Variants in ADAM22 observed in about 807,000 individuals in gnomAD.
ADAM22 encodes ADAM metallopeptidase domain 22.
ADAM22 carries 65 observed loss-of-function variants against 144.6 expected under a neutral mutation model. The observed-to-expected ratio is 0.45, with a 90% confidence interval of 0.37 to 0.55. The LOEUF (loss-of-function observed/expected upper bound fraction) is 0.55. ADAM22 is among the 20% of genes least tolerant of loss of function. The pLI is 0.00. For missense variants in ADAM22, 974 were observed against 1,184.9 expected (o/e 0.82, Z 2.61); for synonymous variants, 391 against 412.6 (o/e 0.95, Z 0.63).
chr7:88,169,174 T>C (rs1427404393), intron 25 of ADAM22, among the ~76,000 whole-genome samples: 1 of 152,102 alleles, frequency 6.6e-6, no homozygotes, highest in African/African-American at 2.4e-5. Context: ...AAAGAGTTTC[T>C]TTGGCTAAAA....
At chr7:88,127,470 C>G (rs1044572336) in intron 8 of ADAM22, among the ~76,000 whole-genome samples, 1 of 151,900 alleles carries the variant, frequency 6.6e-6, no homozygotes, top group Admixed American at 6.6e-5. Flanking sequence ...TAAAAACACC[C>G]CCCTCCCTTA....
intron 22 of ADAM22, among the ~76,000 whole-genome samples, chr7:88,158,607 T>G (rs1265366776): frequency 2.0e-5 from 3 of 152,112 alleles, no homozygotes; most frequent in African/African-American, 7.2e-5. Context: ...AAATTTTTTT[T>G]CAAAACCATG....
intron 3 of ADAM22, among the ~76,000 whole-genome samples, chr7:88,043,368 C>T (rs998552200): frequency 1.3e-5 from 2 of 151,766 alleles, no homozygotes; most frequent in Admixed American, 6.6e-5. Context: ...ACCTGTAGTC[C>T]CAGCTACTCG....
At chr7:88,171,490 C>T in intron 25 of ADAM22, 54 bp from the exon 26 acceptor site, 2 of 1,508,274 alleles carry the variant, frequency 1.3e-6, no homozygotes, top group Non-Finnish European at 1.8e-6. Flanking sequence ...GATGTCCTTC[C>T]AGAGGTAACT....
intron 4 of ADAM22, among the ~76,000 whole-genome samples, chr7:88,103,876 T>C (rs1823637386): frequency 6.6e-6 from 1 of 152,174 alleles, no homozygotes; most frequent in South Asian, 2.1e-4. Context: ...AATAGATAAT[T>C]TTTAAGTAAA....
intron 3 of ADAM22, among the ~76,000 whole-genome samples, chr7:87,991,612 C>T (rs922571476): frequency 6.6e-6 from 1 of 150,926 alleles, no homozygotes; most frequent in Non-Finnish European, 1.5e-5. Context: ...ATGATCCACC[C>T]GCCTCGGCCT....
chr7:88,012,669 C>A (rs1428560241), intron 3 of ADAM22, among the ~76,000 whole-genome samples: 4 of 152,134 alleles, frequency 2.6e-5, no homozygotes, highest in Non-Finnish European at 2.9e-5. Context: ...GCCCTAGAGC[C>A]CTGTTCATGT....
intron 3 of ADAM22, among the ~76,000 whole-genome samples, chr7:88,059,935 G>A (rs914800819): frequency 6.6e-6 from 1 of 151,962 alleles, no homozygotes; most frequent in Non-Finnish European, 1.5e-5. Flanking sequence ...ATTTGGTTGA[G>A]GGGTTCAGTA....
chr7:88,050,222 A>G (rs924304336), intron 3 of ADAM22, among the ~76,000 whole-genome samples: 26 of 111,550 alleles, frequency 2.3e-4, no homozygotes, highest in African/African-American at 1.3e-3. Context: ...CATCTCTACT[A>G]AAAAAAAAAA....
chr7:87,942,359 A>T (rs976518789), intron 2 of ADAM22, among the ~76,000 whole-genome samples: 9 of 152,176 alleles, frequency 5.9e-5, no homozygotes, highest in African/African-American at 2.2e-4. Context: ...ATCATGTGTG[A>T]CAGGTAATAC....
chr7:87,982,889 C>G (rs1485748406), intron 3 of ADAM22, among the ~76,000 whole-genome samples: 2 of 150,838 alleles, frequency 1.3e-5, no homozygotes. Flanking sequence ...TGGAGTTTCT[C>G]CATGTTGGTC....
At chr7:88,098,466 A>G (rs1325712337) in intron 4 of ADAM22, among the ~76,000 whole-genome samples, 1 of 152,172 alleles carries the variant, frequency 6.6e-6, no homozygotes, top group Admixed American at 6.5e-5. Context: ...ACCCATGAGT[A>G]TGACCTTATT....
intron 2 of ADAM22, among the ~76,000 whole-genome samples, chr7:87,942,843 A>G (rs193020493): frequency 6.6e-6 from 1 of 152,266 alleles, no homozygotes; most frequent in Non-Finnish European, 1.5e-5. Flanking sequence ...TTTCATAGGT[A>G]GAAACATTAA....
At chr7:88,195,647 CTGGG>C (rs1220525980) in intron 31 of ADAM22, among the ~76,000 whole-genome samples, 71 of 152,258 alleles carry the variant, frequency 4.7e-4, no homozygotes, top group African/African-American at 1.6e-3. Flanking sequence ...TCCCGAGTAG[CTGGG>C]ACTACAGGTG....
chr7:88,042,298 G>A (rs565181370), intron 3 of ADAM22, among the ~76,000 whole-genome samples: 2 of 151,946 alleles, frequency 1.3e-5, no homozygotes, highest in African/African-American at 4.8e-5. Flanking sequence ...CAAATATGGT[G>A]TGTTAGCTAG....
At chr7:88,001,016 C>T (rs1235417061) in intron 3 of ADAM22, among the ~76,000 whole-genome samples, 2 of 152,100 alleles carry the variant, frequency 1.3e-5, no homozygotes, top group Non-Finnish European at 2.9e-5. Flanking sequence ...GCAATTGTTT[C>T]TATCTTTTGG....
At chr7:87,985,795 CTA>C (rs1788338326) in intron 3 of ADAM22, among the ~76,000 whole-genome samples, 1 of 152,154 alleles carries the variant, frequency 6.6e-6, no homozygotes, top group African/African-American at 2.4e-5. Flanking sequence ...CTTTGCGTGC[CTA>C]TATGTTTTCA....
intron 3 of ADAM22, among the ~76,000 whole-genome samples, chr7:88,025,453 T>C (rs550533321): frequency 6.6e-6 from 1 of 152,292 alleles, no homozygotes; most frequent in African/African-American, 2.4e-5. Context: ...CACTCTGATA[T>C]CCTGGAGAGA....
intron 3 of ADAM22, among the ~76,000 whole-genome samples, chr7:88,033,304 G>A (rs539132442): frequency 1.3e-5 from 2 of 152,364 alleles, no homozygotes; most frequent in South Asian, 4.1e-4. Flanking sequence ...TTGTAGAGGT[G>A]TAAGCTTGGT....
Sources: allele counts gnomAD v4.1 joint callset (sites outside exome capture counted in the v4.1 genomes callset), GRCh38; gene constraint gnomAD v4.1.1; transcripts MANE v1.5; gene names NCBI Gene and HGNC (gene_info 2026-07-23, HGNC 2026-07-21).